LRCH1: variants seen among roughly 807,000 people sequenced by gnomAD.
The protein encoded by LRCH1 is leucine rich repeats and calponin homology domain containing 1, also known as leucine-rich repeat and calponin homology domain-containing protein 1.
LRCH1 carries 23 observed loss-of-function variants against 94.9 expected under a neutral mutation model. The ratio of observed to expected loss-of-function variants is 0.24; its 90% CI spans 0.17 to 0.34. The LOEUF is 0.34. LRCH1 is among the 10% of genes least tolerant of loss of function. The probability of loss-of-function intolerance (pLI) is 1.00; values close to 1 mark genes in which losing one functional copy is unlikely to be tolerated. For synonymous variants in LRCH1, 364 were observed against 354.9 expected (o/e 1.03, Z -0.29); for missense variants, 790 against 945.9 (o/e 0.84, Z 2.16).
At chr13:46,718,109 C>G (rs1872415432) in intron 16 of LRCH1, among the ~76,000 whole-genome samples, 1 of 152,022 alleles carries the variant, frequency 6.6e-6, no homozygotes, top group Non-Finnish European at 1.5e-5. Flanking sequence ...AATCTTTCCT[C>G]TTCCCTTCAC....
chr13:46,597,807 T>TC (rs1566166788), intron 1 of LRCH1, among the ~76,000 whole-genome samples: 1 of 150,632 alleles, frequency 6.6e-6, no homozygotes, highest in Non-Finnish European at 1.5e-5. Flanking sequence ...AATAAGCCAT[T>TC]TTTTTTTTAA....
chr13:46,657,402 A>T lies in LRCH1; in HGVS notation c.452+7057A>T, dbSNP rs1458739128. 8.6e-4 allele frequency among the ~76,000 whole-genome samples: 64 copies of T among 74,762 alleles called. 1 individual carries two copies. Among genetic ancestry groups the T allele is most frequent in the East Asian group, 1.6e-3 (4 of 2,430 alleles). The allele number at this position is 74,762 out of a possible 152,430, so 49.0% of individuals were successfully genotyped here. A position where few individuals can be genotyped will look rare whatever the true frequency, so the allele number is the denominator to read the frequency against. ...GAGAAAAAGAGAGATTTTTTTTTTT[A>T]AAACATACATATATGAAAGGTGTGG... On this transcript the variant is annotated intron_variant, in intron 2 of 19. Coordinates refer to ENST00000389797, the MANE Select transcript of LRCH1 (RefSeq NM_001164211.2).
At position 46,692,635 on chromosome 13, in the gene LRCH1, G is replaced by A. The variant is rs774900362; in HGVS notation, c.1114G>A (p.Val372Ile). 1.2e-5 allele frequency: 19 copies of A among 1,612,318 alleles called. No individual in the cohort carries two copies. The highest frequency in any genetic ancestry group is 1.6e-4 in the Middle Eastern group (1 of 6,076). ...KEDSCHRLSP[V>I]KGEFHQEFQP... is the part of the protein sequence containing the mutation. ...GGACTCGTGCCATCGCCTTAGCCCC[G>A]TTAAAGGTCTGAGAATAAAAATGTG... The change falls in exon 8 of 20, where the codon GTT becomes ATT. Residue 372 changes from valine to isoleucine, a missense_variant. Around this residue, in one of 3 missense-constraint regions of LRCH1, gnomAD observed 460 missense variants for 508.9 expected, o/e 0.90. Transcript: ENST00000389797.
At chr13:46,625,356 G>A (rs2050932951) in intron 1 of LRCH1, among the ~76,000 whole-genome samples, 1 of 152,240 alleles carries the variant, frequency 6.6e-6, no homozygotes, top group African/African-American at 2.4e-5. Context: ...CAACTCATAT[G>A]TTGAAATCCT....
At chr13:46,707,716 AT>A (rs577041524) in intron 13 of LRCH1, among the ~76,000 whole-genome samples, 1 of 152,140 alleles carries the variant, frequency 6.6e-6, no homozygotes, top group East Asian at 1.9e-4. Flanking sequence ...ATATTCCTGA[AT>A]TTTTTTTAAA....
chr13:46,637,973 C>T (rs912713299), intron 1 of LRCH1, among the ~76,000 whole-genome samples: 1 of 152,224 alleles, frequency 6.6e-6, no homozygotes, highest in Non-Finnish European at 1.5e-5. Flanking sequence ...CCACTTCAGC[C>T]TCCTAAACTG....
chr13:46,658,904 A>G (rs2138096512), intron 2 of LRCH1, among the ~76,000 whole-genome samples: 1 of 152,388 alleles, frequency 6.6e-6, no homozygotes, highest in South Asian at 2.1e-4. Flanking sequence ...TTTGCTATGC[A>G]TAGTTAATTT....
intron 7 of LRCH1, among the ~76,000 whole-genome samples, chr13:46,691,736 C>A (rs1032488103): frequency 1.3e-5 from 2 of 152,190 alleles, no homozygotes; most frequent in South Asian, 4.1e-4. Context: ...TCTTGCCAGG[C>A]TGGAGTGCAG....
In LRCH1 at chr13:46,553,242, C is replaced by CAAAAA; in HGVS notation, c.-154_-153insAAAAA. 1.8e-6 allele frequency: 1 copy of CAAAAA among 568,658 alleles called. No individual in the cohort carries two copies. The highest frequency in any genetic ancestry group is 3.1e-6 in the Non-Finnish European group (1 of 324,450). 35.2% of individuals were successfully genotyped at this position (568,658 alleles called of 1,614,324 possible). A position where few individuals can be genotyped will look rare whatever the true frequency, so the allele number is the denominator to read the frequency against. ...CACGGCCGCCTCCCCGCCCGCCCCC[C>CAAAAA]ATTCTACGCGCCTGCCCACACCCTC... On this transcript the variant is annotated 5_prime_UTR_variant, in exon 1 of 20. Transcript: ENST00000389797.
intron 1 of LRCH1, among the ~76,000 whole-genome samples, chr13:46,573,866 A>ATATATATATATATATATTTTTTT: frequency 6.3e-5 from 4 of 63,414 alleles, no homozygotes; most frequent in Admixed American, 4.3e-4. Context: ...ATATATATAT[A>ATATATATATATATATATTTTTTT]TTTTTTTTTT....
At position 46,734,858 on chromosome 13, in the gene LRCH1, G is replaced by A. The variant is rs142326160; in HGVS notation, c.2085+860G>A. Among the ~76,000 whole-genome samples the A allele has an allele frequency of 6.0e-4, 92 of 152,248 alleles. 1 individual carries two copies. In the South Asian group the frequency reaches 7.1e-3, roughly 12 times the overall value. ...ATAAGGTAATTTTAAAAATACATGC[G>A]ATACTGTTTTGAGTATATGAAGAGT... is the stretch of plus-strand genomic sequence containing the variant. On this transcript the variant is annotated intron_variant, in intron 19 of 19. Transcript: ENST00000389797.
intron 2 of LRCH1, among the ~76,000 whole-genome samples, chr13:46,668,608 C>G (rs921465802): frequency 2.6e-5 from 4 of 151,862 alleles, no homozygotes; most frequent in Non-Finnish European, 4.4e-5. Flanking sequence ...AGCTGAGTTT[C>G]CTGCACACAT....
Position 46,740,238 on chromosome 13 carries a change from G to T in LRCH1, c.2086-1404G>T, listed in dbSNP as rs1248780351. Among the ~76,000 whole-genome samples the T allele has an allele frequency of 2.0e-5, 3 of 152,064 alleles. No homozygotes were observed. In the East Asian group the frequency reaches 5.8e-4, roughly 29 times the overall value. On this transcript the variant is annotated intron_variant, in intron 19 of 19. Transcript: ENST00000389797. ...TTTATGTGTAGCTGTTTTAATTCTTGGGAGAACCCTAACAGTGGTAGCTTG... is the reference window on the plus strand; with the variant it reads ...TTTATGTGTAGCTGTTTTAATTCTTTGGAGAACCCTAACAGTGGTAGCTTG...
At chr13:46,640,595 T>C (rs572026662) in intron 1 of LRCH1, among the ~76,000 whole-genome samples, 27 of 152,338 alleles carry the variant, frequency 1.8e-4, no homozygotes, top group African/African-American at 6.0e-4. Flanking sequence ...AGAGCTCACT[T>C]ACTTTTAGTA....
rs545216786 is a variant in LRCH1 at position 46,627,588 on chromosome 13, C to T, written c.308-22613C>T. ...CCTACTGTTTTCCTGCTCTTTCCCT[C>T]TTCTTCTTCCTCCCTCTCAGCCCTG... On this transcript the variant is annotated intron_variant, in intron 1 of 19. Coordinates refer to ENST00000389797, the MANE Select transcript of LRCH1 (RefSeq NM_001164211.2). Among the ~76,000 whole-genome samples, 89 of 152,196 alleles carry T rather than the reference C, an allele frequency of 5.8e-4. 1 individual carries two copies. The highest frequency in any genetic ancestry group is 1.0e-3 in the Non-Finnish European group (68 of 68,008).
At chr13:46,626,932 AGGTAGT>A (rs2050957689) in intron 1 of LRCH1, among the ~76,000 whole-genome samples, 1 of 152,220 alleles carries the variant, frequency 6.6e-6, no homozygotes. Flanking sequence ...GATGAACACC[AGGTAGT>A]GTTAATTTCC....
At chr13:46,596,314 G>C (rs934828744) in intron 1 of LRCH1, among the ~76,000 whole-genome samples, 1 of 152,122 alleles carries the variant, frequency 6.6e-6, no homozygotes, top group African/African-American at 2.4e-5. Flanking sequence ...AATATTACCT[G>C]CTTCAAGGAG....
chr13:46,744,878 A>C lies in LRCH1; in HGVS notation c.*3030A>C, dbSNP rs1873845336. On this transcript the variant is annotated 3_prime_UTR_variant, in exon 20 of 20. Coordinates refer to ENST00000389797, the MANE Select transcript of LRCH1 (RefSeq NM_001164211.2). ...TCGTATTTCAAAATTAGTTCTCAATAAACAATCAATTTGGTATATAGAATG... is the reference window on the plus strand; with the variant it reads ...TCGTATTTCAAAATTAGTTCTCAATCAACAATCAATTTGGTATATAGAATG... The C allele has an allele frequency of 1.0e-6, 1 of 984,722 alleles. No homozygotes were observed. Among genetic ancestry groups the C allele is most frequent in the Non-Finnish European group, 1.2e-6 (1 of 829,526 alleles). The allele number at this position is 984,722 out of a possible 1,614,324, so 61.0% of individuals were successfully genotyped here.
intron 2 of LRCH1, among the ~76,000 whole-genome samples, chr13:46,668,045 T>G (rs900043351): frequency 1.3e-5 from 2 of 152,216 alleles, no homozygotes; most frequent in Non-Finnish European, 2.9e-5. Flanking sequence ...CATACAGATT[T>G]TTAGATATTT....
Sources: allele counts gnomAD v4.1 joint callset (sites outside exome capture counted in the v4.1 genomes callset), GRCh38; gene constraint gnomAD v4.1.1; regional missense constraint gnomAD v4.1.1; transcripts MANE v1.5; gene names NCBI Gene and HGNC (gene_info 2026-07-23, HGNC 2026-07-21).